ZBBX: variants seen among roughly 807,000 people sequenced by gnomAD.
ZBBX encodes the protein zinc finger B-box domain containing, also known as zinc finger B-box domain-containing protein 1.
ZBBX carries 101 observed loss-of-function variants against 108.5 expected under a neutral mutation model. That is an observed-to-expected ratio of 0.93 (90% CI 0.79 to 1.10). The LOEUF is 1.10. Among genes scored for constraint, ZBBX ranks in the 50% least tolerant of loss-of-function variants. ZBBX has a pLI of 0.00. For missense variants in ZBBX, 1,009 were observed against 941.4 expected, an observed-to-expected ratio of 1.07 and a Z score of -0.94; for synonymous variants, 356 against 323.4, an observed-to-expected ratio of 1.10 and a Z score of -1.08.
In ZBBX at chr3:167,269,898, T is replaced by A. The variant is rs996101941; in HGVS notation, c.2254+12340A>T. Among the ~76,000 whole-genome samples, 11 of 152,206 alleles carry A rather than the reference T, an allele frequency of 7.2e-5. No homozygotes were observed. The East Asian group carries it at 1.9e-3, about 27-fold the overall frequency. ...GGCATGTCCCCTAGCTGAAGATAGC[T>A]GAGGCACATTCACTTTTAAGTGGGA... On this transcript the variant is annotated intron_variant, in intron 20 of 21. Coordinates refer to ENST00000675490, the MANE Select transcript of ZBBX (RefSeq NM_001199201.2).
chr3:167,313,807 G>A (rs1382717824), intron 16 of ZBBX, among the ~76,000 whole-genome samples, 167 bp downstream of exon 16: 1 of 151,992 alleles, frequency 6.6e-6, no homozygotes, highest in Admixed American at 6.6e-5. Context: ...GTTGTCCATT[G>A]ACTAAATTGC....
intron 20 of ZBBX, among the ~76,000 whole-genome samples, chr3:167,260,392 G>A (rs1004443805): frequency 6.6e-5 from 10 of 152,234 alleles, no homozygotes; most frequent in South Asian, 2.1e-4. Flanking sequence ...TAGGAAGGCC[G>A]GGAAGTTTTC....
chr3:167,359,566 T>C (rs115206659), intron 8 of ZBBX, among the ~76,000 whole-genome samples: 1 of 152,136 alleles, frequency 6.6e-6, no homozygotes, highest in African/African-American at 2.4e-5. Flanking sequence ...TGGTTTTGGT[T>C]TTGGATGGGA....
At chr3:167,180,985 T>C in the ZBBX span, among the ~76,000 whole-genome samples, 5 of 152,194 alleles carry the variant, frequency 3.3e-5, no homozygotes, top group Non-Finnish European at 5.9e-5. Flanking sequence ...GAACTATGTG[T>C]CCTTTTTCTA....
chr3:167,363,291 C>T (rs1051952204), intron 6 of ZBBX, among the ~76,000 whole-genome samples: 1 of 151,990 alleles, frequency 6.6e-6, no homozygotes, highest in Non-Finnish European at 1.5e-5. Flanking sequence ...AACCACAATT[C>T]CCACAGTGGC....
chr3:167,276,487 G>C (rs1030086223), intron 20 of ZBBX, among the ~76,000 whole-genome samples: 1 of 152,058 alleles, frequency 6.6e-6, no homozygotes, highest in Non-Finnish European at 1.5e-5. Flanking sequence ...TGGAAGAAAG[G>C]GTATCAGTGA....
chr3:167,260,388 G>T (rs1048778087), intron 20 of ZBBX, among the ~76,000 whole-genome samples: 1 of 152,168 alleles, frequency 6.6e-6, no homozygotes, highest in Non-Finnish European at 1.5e-5. Flanking sequence ...TCTCTAGGAA[G>T]GCCGGGAAGT....
intron 2 of ZBBX, among the ~76,000 whole-genome samples, chr3:167,375,410 G>A (rs1209998775): frequency 1.3e-5 from 2 of 151,976 alleles, no homozygotes. Flanking sequence ...TGACTAACAT[G>A]GTGAAACCCC....
chr3:167,390,657 T>C (rs1279593832), intron 1 of ZBBX, among the ~76,000 whole-genome samples: 2 of 152,152 alleles, frequency 1.3e-5, no homozygotes, highest in Non-Finnish European at 2.9e-5. Flanking sequence ...GTGTCCTCTC[T>C]TATTTCCTTG....
intron 11 of ZBBX, among the ~76,000 whole-genome samples, chr3:167,325,615 A>AT (rs1217716364): frequency 5.9e-5 from 9 of 152,000 alleles, no homozygotes; most frequent in Non-Finnish European, 1.3e-4. Context: ...TAATCATTTG[A>AT]TTTTTTTGAC....
intron 20 of ZBBX, among the ~76,000 whole-genome samples, chr3:167,245,820 T>G (rs1721476139): frequency 7.4e-6 from 1 of 135,582 alleles, no homozygotes. Flanking sequence ...ATTAAACTTC[T>G]TTTTTTTTTA....
At chr3:167,224,544 T>C in the ZBBX span, among the ~76,000 whole-genome samples, 10 of 151,918 alleles carry the variant, frequency 6.6e-5, no homozygotes, top group African/African-American at 2.2e-4. Context: ...CAAGGTATAT[T>C]CAATACATTT....
chr3:167,344,713 C>A (rs1346838597), intron 9 of ZBBX, among the ~76,000 whole-genome samples: 1 of 151,696 alleles, frequency 6.6e-6, no homozygotes, highest in African/African-American at 2.4e-5. Flanking sequence ...AGAAACCTTA[C>A]TTTCCACCAG....
At chr3:167,299,669 T>C (rs986145507) in intron 17 of ZBBX, among the ~76,000 whole-genome samples, 2 of 152,136 alleles carry the variant, frequency 1.3e-5, no homozygotes, top group Non-Finnish European at 2.9e-5. Flanking sequence ...TAGGAAGTAC[T>C]ACCTTACACA....
chr3:167,218,792 G>A, the ZBBX span, among the ~76,000 whole-genome samples: 1 of 152,002 alleles, frequency 6.6e-6, no homozygotes, highest in South Asian at 2.1e-4. Flanking sequence ...TGATAAGATT[G>A]CATATAAATG....
the ZBBX span, among the ~76,000 whole-genome samples, chr3:167,230,404 G>A: frequency 6.6e-6 from 1 of 151,712 alleles, no homozygotes; most frequent in Non-Finnish European, 1.5e-5. Flanking sequence ...ATAATGGAAG[G>A]CACTAGTAAA....
chr3:167,271,354 C>T (rs1412941737), intron 20 of ZBBX, among the ~76,000 whole-genome samples: 1 of 152,214 alleles, frequency 6.6e-6, no homozygotes, highest in African/African-American at 2.4e-5. Flanking sequence ...AGGGAAACAA[C>T]TTAGCAGATC....
intron 9 of ZBBX, among the ~76,000 whole-genome samples, chr3:167,348,472 A>G (rs1742086716): frequency 1.7e-5 from 1 of 58,768 alleles, no homozygotes; most frequent in Non-Finnish European, 3.3e-5. Flanking sequence ...AGAAAGAAAG[A>G]GAGAGAAGGA....
At chr3:167,203,052 C>T in the ZBBX span, among the ~76,000 whole-genome samples, 2 of 151,974 alleles carry the variant, frequency 1.3e-5, no homozygotes, top group Non-Finnish European at 2.9e-5. Context: ...AAGCATGATG[C>T]CAATTATATT....
Sources: allele counts gnomAD v4.1 joint callset (sites outside exome capture counted in the v4.1 genomes callset), GRCh38; gene constraint gnomAD v4.1.1; transcripts MANE v1.5; gene names NCBI Gene and HGNC (gene_info 2026-07-23, HGNC 2026-07-21).